DLEU7: variants seen among roughly 807,000 people sequenced by gnomAD.
DLEU7 encodes leukemia-associated protein 7.
Under a neutral mutation model 16.0 loss-of-function variants are expected in DLEU7, and 17 were observed. The observed-to-expected ratio is 1.06, with a 90% CI of 0.73 to 1.59. The LOEUF is 1.59. Among genes scored for constraint, DLEU7 ranks in the 40% most tolerant of loss-of-function variants. The pLI is 0.00. For synonymous variants in DLEU7, 113 were observed against 139.8 expected (o/e 0.81, Z 1.35); for missense variants, 308 against 314.9 (o/e 0.98, Z 0.17).
intron 1 of DLEU7, among the ~76,000 whole-genome samples, chr13:50,768,096 T>C (rs1593550551): frequency 6.6e-6 from 1 of 152,332 alleles, no homozygotes; most frequent in South Asian, 2.1e-4. Flanking sequence ...CTCTGAATTT[T>C]TATTTGGTAT....
intron 1 of DLEU7, among the ~76,000 whole-genome samples, chr13:50,785,175 A>C (rs891372500): frequency 1.3e-5 from 2 of 152,128 alleles, no homozygotes; most frequent in Admixed American, 1.3e-4. Flanking sequence ...AATCATTTGG[A>C]GAAAACCCAT....
At chr13:50,789,938 TTTC>T (rs1875903081) in intron 1 of DLEU7, among the ~76,000 whole-genome samples, 2 of 145,190 alleles carry the variant, frequency 1.4e-5, no homozygotes, top group Admixed American at 6.7e-5. Context: ...TCTTTCTTTC[TTTC>T]TTTCTTTTTT....
intron 1 of DLEU7, among the ~76,000 whole-genome samples, chr13:50,733,004 C>T (rs1464887268): frequency 6.6e-6 from 1 of 152,194 alleles, no homozygotes; most frequent in African/African-American, 2.4e-5. Context: ...GCTGCTTAAT[C>T]TGCTGGTTAT....
chr13:50,747,920 G>A (rs189177538), intron 1 of DLEU7, among the ~76,000 whole-genome samples: 2 of 152,286 alleles, frequency 1.3e-5, no homozygotes, highest in East Asian at 3.9e-4. Flanking sequence ...GGTGACCATG[G>A]CAACTGGCAT....
At chr13:50,825,025 G>A (rs114639739) in intron 1 of DLEU7, among the ~76,000 whole-genome samples, 5 of 152,230 alleles carry the variant, frequency 3.3e-5, no homozygotes, top group African/African-American at 1.2e-4. Context: ...TCCATGGCTG[G>A]TGGTGGCAAA....
chr13:50,738,130 A>G (rs1328317921), intron 1 of DLEU7, among the ~76,000 whole-genome samples: 1 of 152,206 alleles, frequency 6.6e-6, no homozygotes, highest in Non-Finnish European at 1.5e-5. Context: ...TCAATTCTGT[A>G]AAGGCTAAGA....
At chr13:50,790,131 C>G (rs970337961) in intron 1 of DLEU7, among the ~76,000 whole-genome samples, 1 of 151,944 alleles carries the variant, frequency 6.6e-6, no homozygotes, top group East Asian at 1.9e-4. Flanking sequence ...TGGGATTTCA[C>G]TATGTTGGTC....
At chr13:50,749,867 T>C (rs950260017) in intron 1 of DLEU7, among the ~76,000 whole-genome samples, 2 of 152,188 alleles carry the variant, frequency 1.3e-5, no homozygotes, top group Non-Finnish European at 2.9e-5. Context: ...ATTGTGAAGA[T>C]TTTCTCCAAC....
intron 1 of DLEU7, among the ~76,000 whole-genome samples, chr13:50,800,417 A>G (rs1435473569): frequency 3.3e-5 from 5 of 152,178 alleles, no homozygotes; most frequent in African/African-American, 4.8e-5. Context: ...TACACTTTGT[A>G]TATCTGAGCT....
chr13:50,762,189 C>CAA (rs71085045), intron 1 of DLEU7, among the ~76,000 whole-genome samples: 2,506 of 84,096 alleles, frequency 0.03, 93 homozygotes, highest in East Asian at 0.19. Context: ...AGACTCGTCT[C>CAA]AAAAAAAAAA....
chr13:50,770,126 C>A (rs1875250051), intron 1 of DLEU7, among the ~76,000 whole-genome samples: 2 of 152,206 alleles, frequency 1.3e-5, no homozygotes, highest in Non-Finnish European at 2.9e-5. Flanking sequence ...GATTTTGTAT[C>A]CTGAGACTTT....
intron 1 of DLEU7, among the ~76,000 whole-genome samples, chr13:50,832,465 C>T (rs757111369): frequency 3.9e-5 from 6 of 152,016 alleles, no homozygotes; most frequent in Admixed American, 6.6e-5. Context: ...AAAGGTTTTT[C>T]ATGTCTCTAT....
chr13:50,813,067 A>T (rs1323495072), intron 1 of DLEU7: 2 of 152,266 alleles, frequency 1.3e-5, no homozygotes, highest in African/African-American at 4.8e-5. Context: ...TTTCAAGATC[A>T]GATGGAACCA....
At chr13:50,830,041 C>A (rs1312051911) in intron 1 of DLEU7, among the ~76,000 whole-genome samples, 1 of 151,852 alleles carries the variant, frequency 6.6e-6, no homozygotes, top group Non-Finnish European at 1.5e-5. Context: ...TTTAGCAAAT[C>A]CCAGATGCTC....
chr13:50,770,738 T>G (rs1444661483), intron 1 of DLEU7, among the ~76,000 whole-genome samples: 2 of 152,198 alleles, frequency 1.3e-5, no homozygotes, highest in African/African-American at 4.8e-5. Context: ...ATTCTCTTTT[T>G]TTGTTGTGTC....
intron 1 of DLEU7, among the ~76,000 whole-genome samples, chr13:50,808,859 T>C (rs951990549): frequency 3.4e-5 from 5 of 148,706 alleles, no homozygotes. Flanking sequence ...GAGTTTAGAA[T>C]TCTTTATTTC....
intron 1 of DLEU7, among the ~76,000 whole-genome samples, chr13:50,724,210 A>G (rs1456342526): frequency 6.6e-6 from 1 of 152,166 alleles, no homozygotes; most frequent in African/African-American, 2.4e-5. Context: ...AACTAATGAA[A>G]TCCCCTTGTT....
chr13:50,745,711 A>G (rs1429825209), intron 1 of DLEU7, among the ~76,000 whole-genome samples: 6 of 152,180 alleles, frequency 3.9e-5, no homozygotes, highest in Admixed American at 6.5e-5. Flanking sequence ...GACAGCACTG[A>G]AAGGAAATTT....
At chr13:50,759,761 A>T (rs979760872) in intron 1 of DLEU7, among the ~76,000 whole-genome samples, 2 of 152,116 alleles carry the variant, frequency 1.3e-5, no homozygotes, top group Non-Finnish European at 2.9e-5. Context: ...CCTATTTTAG[A>T]TTCTCAGTGT....
Sources: allele counts gnomAD v4.1 joint callset (sites outside exome capture counted in the v4.1 genomes callset), GRCh38; gene constraint gnomAD v4.1.1; transcripts MANE v1.5; gene names NCBI Gene and HGNC (gene_info 2026-07-23, HGNC 2026-07-21).